The following PHACTR1 variants were observed in gnomAD, a reference collection of about 807,000 sequenced individuals.
PHACTR1 encodes the protein phosphatase and actin regulator 1, also known as RPEL repeat containing 1.
In PHACTR1, 16 loss-of-function variants were observed where a neutral mutation model predicts 69.2. The observed-to-expected ratio is 0.23, with a 90% CI of 0.16 to 0.35. PHACTR1 has a LOEUF of 0.35. Ranked by LOEUF, PHACTR1 falls within the 10% of genes least tolerant of loss-of-function variation. The pLI is 1.00. For synonymous variants in PHACTR1, 312 were observed against 284.5 expected (o/e 1.10, Z -0.97); for missense variants, 510 against 734.7 (o/e 0.69, Z 3.54).
At chr6:13,054,250 G>A (rs1806435264) in intron 5 of PHACTR1, among the ~76,000 whole-genome samples, 1 of 152,214 alleles carries the variant, frequency 6.6e-6, no homozygotes, top group South Asian at 2.1e-4. Flanking sequence ...TAATATTTGT[G>A]GAGAGTTTGT....
chr6:13,124,497 C>T (rs1819218834), intron 5 of PHACTR1, among the ~76,000 whole-genome samples: 1 of 152,114 alleles, frequency 6.6e-6, no homozygotes, highest in Non-Finnish European at 1.5e-5. Flanking sequence ...TCCTTCATAC[C>T]CCCCTCACCT....
intron 5 of PHACTR1, among the ~76,000 whole-genome samples, chr6:13,155,901 C>T (rs76144496): frequency 1.3e-5 from 2 of 151,770 alleles, no homozygotes; most frequent in Non-Finnish European, 2.9e-5. Flanking sequence ...AAAAAAAAAC[C>T]TGAAGATTTC....
At chr6:12,820,790 T>G (rs1776120442) in intron 4 of PHACTR1, among the ~76,000 whole-genome samples, 1 of 152,206 alleles carries the variant, frequency 6.6e-6, no homozygotes, top group Non-Finnish European at 1.5e-5. Flanking sequence ...GTACCTCTTC[T>G]GATTGAGAAA....
At chr6:13,170,237 A>G (rs561764940) in intron 6 of PHACTR1, among the ~76,000 whole-genome samples, 7 of 152,366 alleles carry the variant, frequency 4.6e-5, no homozygotes, top group Non-Finnish European at 8.8e-5. Flanking sequence ...ATTTGCGCAG[A>G]TAACCATCAG....
intron 9 of PHACTR1, among the ~76,000 whole-genome samples, chr6:13,228,381 T>C (rs1415831463): frequency 6.6e-6 from 1 of 152,182 alleles, no homozygotes; most frequent in African/African-American, 2.4e-5. Context: ...AAAAAAACTT[T>C]AAGAAGTTTA....
At chr6:12,897,170 T>G (rs1046439613) in intron 4 of PHACTR1, among the ~76,000 whole-genome samples, 9 of 152,244 alleles carry the variant, frequency 5.9e-5, no homozygotes, top group African/African-American at 2.2e-4. Flanking sequence ...CACCCTTGGC[T>G]TCTGTGTCCC....
intron 4 of PHACTR1, among the ~76,000 whole-genome samples, chr6:12,815,685 A>C (rs1775499743): frequency 6.6e-6 from 1 of 152,204 alleles, no homozygotes; most frequent in Non-Finnish European, 1.5e-5. Context: ...CTCTGGAAAA[A>C]GCGGTAAAGG....
chr6:13,179,636 T>G lies in PHACTR1; in HGVS notation c.497-2883T>G, dbSNP rs1761902133. Among the ~76,000 whole-genome samples, 1 of 151,994 alleles carries G rather than the reference T, an allele frequency of 6.6e-6. No homozygotes were observed. On this transcript the variant is annotated intron_variant, in intron 6 of 14. Transcript: ENST00000332995. This position sits in a 1 kb window ranked among gnomAD's most constrained non-coding sequence, Gnocchi z 4.2. ...TCTACTAGATATGTATACACATATA[T>G]GGATGGATGGGTGGTTGATAGGTAG...
In PHACTR1 at chr6:13,230,132, C is replaced by T; in HGVS notation, c.1330C>T (p.Pro444Ser). ...AGAGCTGGAAGAAAAGAACATCCTT[C>T]CCAGGCAGACGGATGAGGAGCGGCT... is the stretch of plus-strand genomic sequence containing the variant. ...KRELEEKNIL[P>S]RQTDEERLEL... The change falls in exon 10 of 15, where the codon CCC becomes TCC. Residue 444 changes from proline (P) to serine (S), a missense_variant. Physicochemically the swap from Pro to Ser is moderately conservative, Grantham distance 74. This residue lies in a region of PHACTR1 where 91 missense variants were observed against 203.8 expected (regional missense o/e 0.45). Coordinates refer to ENST00000332995, the MANE Select transcript of PHACTR1 (RefSeq NM_030948.6). 1.2e-6 allele frequency: 2 copies of T among 1,611,778 alleles called. No individual in the cohort carries two copies. Among genetic ancestry groups the T allele is most frequent in the Non-Finnish European group, 8.5e-7 (1 of 1,179,136 alleles).
At chr6:12,824,286 C>T (rs543088739) in intron 4 of PHACTR1, among the ~76,000 whole-genome samples, 173 of 152,210 alleles carry the variant, frequency 1.1e-3, no homozygotes, top group African/African-American at 3.9e-3. Flanking sequence ...GCAAGCTCAG[C>T]GCCCTCACTG....
In PHACTR1 at chr6:12,798,390, G is replaced by A. The variant is rs376049715; in HGVS notation, c.250+48600G>A. Among the ~76,000 whole-genome samples the A allele has an allele frequency of 1.3e-4, 20 of 152,238 alleles. No homozygotes were observed. The South Asian group carries it at 3.9e-3, about 30-fold the overall frequency. On this transcript the variant is annotated intron_variant, in intron 4 of 14. Transcript: ENST00000332995. ...GAGATTACAACTGCATGAGATGGTA[G>A]GAGAAACCTAGGGAAAGAGGTAGGA...
chr6:12,780,249 C>CTG (rs71552713), intron 4 of PHACTR1, among the ~76,000 whole-genome samples: 22,513 of 147,326 alleles, frequency 0.15, 1,717 homozygotes, highest in Non-Finnish European at 0.19. Context: ...TATCTTTTCT[C>CTG]TGTGTGTGTG....
intron 4 of PHACTR1, among the ~76,000 whole-genome samples, chr6:12,810,857 AT>A (rs1341963587): frequency 6.6e-6 from 1 of 152,048 alleles, no homozygotes; most frequent in East Asian, 1.9e-4. Flanking sequence ...TGTCTTCTCC[AT>A]ATGTCTCTCA....
chr6:12,943,211 CAT>C (rs1257685012), intron 4 of PHACTR1, among the ~76,000 whole-genome samples: 5 of 152,304 alleles, frequency 3.3e-5, no homozygotes, highest in East Asian at 1.9e-4. Flanking sequence ...AAAGTACTGA[CAT>C]GTGTACTTTA....
chr6:13,112,126 G>A lies in PHACTR1; in HGVS notation c.416-48078G>A, dbSNP rs565195908. Reference sequence around the variant, plus strand: ...TCCCACTTATAAGTGAGAACATGCCGTATTTGGTTTTCAGTTCCTGCATTA... The same window carrying A: ...TCCCACTTATAAGTGAGAACATGCCATATTTGGTTTTCAGTTCCTGCATTA... On this transcript the variant is annotated intron_variant, in intron 5 of 14. Transcript: ENST00000332995. Among the ~76,000 whole-genome samples, 9 of 152,268 alleles carry A rather than the reference G, an allele frequency of 5.9e-5. No homozygotes were observed. In the South Asian group the frequency reaches 6.2e-4, roughly 11 times the overall value.
Position 12,749,802 on chromosome 6 carries a change from C to T in PHACTR1, c.250+12C>T. ...TAACCTGGGGGCAGGTAAGAACGCC[C>T]CTGGCGCCGCGCCCCCGCCCCCGCC... On this transcript the variant is annotated intron_variant, in intron 4 of 14. Transcript: ENST00000332995. 6.3e-7 allele frequency: 1 copy of T among 1,576,604 alleles called. No homozygotes were observed. The highest frequency in any genetic ancestry group is 8.6e-7 in the Non-Finnish European group (1 of 1,162,336).
intron 4 of PHACTR1, among the ~76,000 whole-genome samples, chr6:12,985,803 A>T (rs1796116074): frequency 6.6e-6 from 1 of 152,032 alleles, no homozygotes; most frequent in Non-Finnish European, 1.5e-5. Context: ...CACGTATTGT[A>T]TAATTCAATT....
intron 4 of PHACTR1, among the ~76,000 whole-genome samples, chr6:12,961,097 G>A (rs1792661823): frequency 6.6e-6 from 1 of 152,098 alleles, no homozygotes; most frequent in South Asian, 2.1e-4. Context: ...AGGTTCTCTA[G>A]GTATAGGTTG....
intron 4 of PHACTR1, among the ~76,000 whole-genome samples, chr6:12,950,736 G>A (rs529727921): frequency 8.9e-4 from 135 of 152,218 alleles, no homozygotes; most frequent in Non-Finnish European, 1.6e-3. Context: ...CCCCTGACAG[G>A]TGCTTTACAA....
Sources: allele counts gnomAD v4.1 joint callset (sites outside exome capture counted in the v4.1 genomes callset), GRCh38; gene constraint gnomAD v4.1.1; regional missense constraint gnomAD v4.1.1; non-coding constraint Gnocchi (gnomAD v3.1); transcripts MANE v1.5; gene names NCBI Gene and HGNC (gene_info 2026-07-23, HGNC 2026-07-21).